Variants in TENT4B observed in about 807,000 individuals in gnomAD.
The protein encoded by TENT4B is terminal nucleotidyltransferase 4B.
TENT4B carries 10 observed loss-of-function variants against 75.0 expected under a neutral mutation model. The observed-to-expected ratio is 0.13, with a 90% CI of 0.08 to 0.23. The LOEUF is 0.23. Among genes scored for constraint, TENT4B ranks in the 10% least tolerant of loss-of-function variants. The pLI, the probability that TENT4B is intolerant of heterozygous loss-of-function variation, is 1.00. For missense variants in TENT4B, 579 were observed against 893.8 expected (o/e 0.65, Z 4.49); for synonymous variants, 350 against 357.7 (o/e 0.98, Z 0.24).
intron 1 of TENT4B, among the ~76,000 whole-genome samples, chr16:50,161,211 T>C (rs2037997471): frequency 6.6e-6 from 1 of 152,236 alleles, no homozygotes; most frequent in African/African-American, 2.4e-5. Context: ...AAGTTGAGGA[T>C]GGCTTTGAGT....
rs1555512101 is a variant in TENT4B, at chr16:50,217,775, T to TC, written c.1038+112_1038+113insC. The TC allele has an allele frequency of 5.4e-5, 34 of 632,848 alleles. 1 individual carries two copies. Among genetic ancestry groups the TC allele is most frequent in the South Asian group, 3.8e-4 (19 of 49,906 alleles). 39.2% of individuals were successfully genotyped at this position (632,848 alleles called of 1,614,324 possible). ...GCATGTTGCTGTCTCTCTCTCTCTC[T>TC]TTTAAATAGAGCTAGGGTCTCACTC... On this transcript the variant is annotated intron_variant, in intron 5 of 11. Transcript: ENST00000561678.
At chr16:50,165,185 T>C (rs1288026226) in intron 1 of TENT4B, among the ~76,000 whole-genome samples, 4 of 152,060 alleles carry the variant, frequency 2.6e-5, no homozygotes, top group African/African-American at 9.7e-5. Flanking sequence ...TGATATTCCA[T>C]TTATTTATTT....
At chr16:50,203,634 T>C (rs2030784239) in intron 1 of TENT4B, among the ~76,000 whole-genome samples, 2 of 151,932 alleles carry the variant, frequency 1.3e-5, no homozygotes, top group Non-Finnish European at 2.9e-5. Context: ...TGGGTCAAAT[T>C]GTCCTCCTTC....
At chr16:50,160,374 G>T (rs183928261) in intron 1 of TENT4B, among the ~76,000 whole-genome samples, 1 of 152,194 alleles carries the variant, frequency 6.6e-6, no homozygotes, top group East Asian at 1.9e-4. Context: ...AAAGGAAACG[G>T]TGAGTGACTT....
intron 1 of TENT4B, among the ~76,000 whole-genome samples, chr16:50,177,175 G>T (rs1026378103): frequency 4.6e-5 from 7 of 151,802 alleles, no homozygotes; most frequent in Non-Finnish European, 8.8e-5. Flanking sequence ...GCTAATTTTT[G>T]TATTTTTAGT....
intron 1 of TENT4B, among the ~76,000 whole-genome samples, chr16:50,175,615 G>T (rs2038292404): frequency 6.6e-6 from 1 of 151,980 alleles, no homozygotes; most frequent in South Asian, 2.1e-4. Context: ...CTCCCGAGTA[G>T]CACATGACAC....
rs991666893 is a variant in TENT4B, at chr16:50,225,454, C to G, written c.1800+169C>G. 2.6e-5 allele frequency among the ~76,000 whole-genome samples: 4 copies of G among 152,198 alleles called. No homozygotes were observed. The South Asian group carries it at 6.2e-4, about 24-fold the overall frequency. On this transcript the variant is annotated intron_variant, in intron 10 of 11. Transcript: ENST00000561678. ...CTCAACATTTTGTTATGAAAAAGTT[C>G]AAGCATATAGTAAAAGTGAACAAAT...
chr16:50,161,556 A>C (rs2038002646), intron 1 of TENT4B, among the ~76,000 whole-genome samples: 1 of 152,218 alleles, frequency 6.6e-6, no homozygotes, highest in Non-Finnish European at 1.5e-5. Flanking sequence ...ATAAAATGGA[A>C]GCCTTTATTA....
At chr16:50,213,346 A>G (rs1342056396) in intron 2 of TENT4B, among the ~76,000 whole-genome samples, 1 of 152,220 alleles carries the variant, frequency 6.6e-6, no homozygotes, top group Admixed American at 6.5e-5. Flanking sequence ...GGCGTGAGCC[A>G]CTGTGCCCGG....
chr16:50,160,602 C>T (rs182216374), intron 1 of TENT4B, among the ~76,000 whole-genome samples: 1 of 152,298 alleles, frequency 6.6e-6, no homozygotes, highest in East Asian at 1.9e-4. Flanking sequence ...TCCATGGGAA[C>T]AGAATTTAAG....
At chr16:50,179,937 G>T (rs138293659) in intron 1 of TENT4B, among the ~76,000 whole-genome samples, 1 of 152,144 alleles carries the variant, frequency 6.6e-6, no homozygotes, top group Non-Finnish European at 1.5e-5. Flanking sequence ...TGCAGATAAT[G>T]ATGATGGGCT....
chr16:50,199,599 G>A (rs1258931186), intron 1 of TENT4B, among the ~76,000 whole-genome samples: 2 of 152,180 alleles, frequency 1.3e-5, no homozygotes, highest in Non-Finnish European at 2.9e-5. Flanking sequence ...TTCCCAGAAT[G>A]TCACACCCTT....
At chr16:50,208,891 C>A (rs4785392) in intron 1 of TENT4B, among the ~76,000 whole-genome samples, 21,839 of 152,128 alleles carry the variant, frequency 0.14, 1,799 homozygotes, top group East Asian at 0.25. Context: ...CGCCACCACA[C>A]CCAGCTAATT....
chr16:50,153,495 AGCAGCAGCAGCAGCGGCAGCAGCG>A lies in TENT4B; in HGVS notation c.-112_-89del, dbSNP rs1381385855. On this transcript the variant is annotated 5_prime_UTR_variant, in exon 1 of 12. Transcript: ENST00000561678. Reference sequence around the variant, plus strand: ...CCGCCCGCGGCGGGCCCCGAGCAGCAGCAGCAGCAGCAGCGGCAGCAGCGGCAGCAGCAGCAGCAGCCGAGGCCG... The same window carrying A: ...CCGCCCGCGGCGGGCCCCGAGCAGCAGCAGCAGCAGCAGCAGCCGAGGCCG... 6.3e-5 allele frequency: 61 copies of A among 974,578 alleles called. No individual in the cohort carries two copies. Among genetic ancestry groups the A allele is most frequent in the African/African-American group, 1.6e-4 (9 of 55,326 alleles). 60.4% of individuals were successfully genotyped at this position (974,578 alleles called of 1,614,324 possible).
At chr16:50,177,343 G>A (rs1159679563) in intron 1 of TENT4B, among the ~76,000 whole-genome samples, 1 of 152,160 alleles carries the variant, frequency 6.6e-6, no homozygotes. Flanking sequence ...GAATTCACCA[G>A]TGAACCCATC....
intron 1 of TENT4B, among the ~76,000 whole-genome samples, chr16:50,194,987 G>GA (rs1450587143): frequency 6.6e-6 from 1 of 151,902 alleles, no homozygotes; most frequent in African/African-American, 2.4e-5. Flanking sequence ...CTGACCTTGT[G>GA]ATCCGCCTGC....
rs1178237588 is a variant in TENT4B at position 50,153,522 on chromosome 16, A to G, written c.-100A>G. 520 of 850,066 alleles carry G rather than the reference A, an allele frequency of 6.1e-4. No homozygotes were observed. The African/African-American group carries it at 8.8e-3, about 14-fold the overall frequency. 52.7% of individuals were successfully genotyped at this position (850,066 alleles called of 1,614,324 possible). A position where few individuals can be genotyped will look rare whatever the true frequency, so the allele number is the denominator to read the frequency against. ...CAGCAGCAGCAGCGGCAGCAGCGGC[A>G]GCAGCAGCAGCAGCCGAGGCCGGGC... On this transcript the variant is annotated 5_prime_UTR_variant, in exon 1 of 12. Transcript: ENST00000561678.
chr16:50,216,962 GT>G (rs1325825230), intron 4 of TENT4B, among the ~76,000 whole-genome samples: 4 of 152,130 alleles, frequency 2.6e-5, no homozygotes, highest in Non-Finnish European at 4.4e-5. Flanking sequence ...TTGTCAGGTT[GT>G]TTTTTGGGCT....
In TENT4B at chr16:50,234,012, AC is replaced by A. The variant is rs2032374413; in HGVS notation, c.*4686del. 2.0e-6 allele frequency: 2 copies of A among 985,312 alleles called. No homozygotes were observed. Among genetic ancestry groups the A allele is most frequent in the Non-Finnish European group, 2.4e-6 (2 of 829,930 alleles). The allele number at this position is 985,312 out of a possible 1,614,324, so 61.0% of individuals were successfully genotyped here. ...GTCTTTGTGGCTTCACCACTGAGCT[AC>A]CTTTCACTACACCAGCTTCTGTGTG... is the stretch of plus-strand genomic sequence containing the variant. On this transcript the variant is annotated 3_prime_UTR_variant, in exon 12 of 12. Coordinates refer to ENST00000561678, the MANE Select transcript of TENT4B (RefSeq NM_001365324.3).
Sources: gnomAD v4.1 joint callset for allele counts (sites outside exome capture counted in the v4.1 genomes callset) on GRCh38, gnomAD v4.1.1 for gene constraint, MANE v1.5 for transcripts, NCBI Gene and HGNC (gene_info 2026-07-23, HGNC 2026-07-21) for gene names.